KRT20: variants seen among roughly 807,000 people sequenced by gnomAD.
KRT20 encodes the protein keratin 20, also known as keratin, type I cytoskeletal 20.
A neutral mutation model predicts 43.0 loss-of-function variants in KRT20; 41 were observed. The ratio of observed to expected loss-of-function variants is 0.95; its 90% CI spans 0.74 to 1.24. The LOEUF is 1.24. Among genes scored for constraint, KRT20 ranks in the 50% most tolerant of loss-of-function variants. The pLI, the probability that KRT20 is intolerant of heterozygous loss-of-function variation, is 0.00. For synonymous variants in KRT20, 207 were observed against 200.6 expected, an observed-to-expected ratio of 1.03 and a Z score of -0.27; for missense variants, 533 against 521.2, an observed-to-expected ratio of 1.02 and a Z score of -0.22.
chr17:40,879,571 T>G (rs1158924917), intron 5 of KRT20, among the ~76,000 whole-genome samples: 1 of 152,154 alleles, frequency 6.6e-6, no homozygotes, highest in Non-Finnish European at 1.5e-5. Flanking sequence ...AGATCTGGTT[T>G]AAATGCCACT....
rs1336877200 is a variant in KRT20, at chr17:40,878,196, AG to A, written c.1087del (p.Glu364AsnfsTer16). On this transcript the variant is annotated frameshift_variant, in exon 6 of 8. Transcript: ENST00000167588. LOFTEE classifies it high-confidence loss of function. ...GCGGTAAGTAGCAATTTCCTGTTCA[AG>A]TCGAGTCTTTATGTCAAGAAGGATA... is the stretch of plus-strand genomic sequence containing the variant. ...YHILLDIKTR[L>X]EQEIATYRRL... 6.2e-7 allele frequency: 1 copy of A among 1,614,066 alleles called. No individual in the cohort carries two copies. The highest frequency in any genetic ancestry group is 8.5e-7 in the Non-Finnish European group (1 of 1,180,016).
rs1206250444 is a variant in KRT20, at chr17:40,876,416, A to C, written c.1220T>G (p.Val407Gly). ...TRKIKTVVQE[V>G]VDGKVVSSEV... ...AGATGACACGACCTTGCCATCCACT[A>C]CTTCTTGCACGACTGTCTTAATCTT... The change falls in exon 8 of 8, where the codon GTA becomes GGA. Residue 407 changes from valine to glycine, a missense_variant. Val to Gly is a moderately radical substitution (Grantham distance 109). Coordinates refer to ENST00000167588, the MANE Select transcript of KRT20 (RefSeq NM_019010.3). 8 of 1,613,240 alleles carry C rather than the reference A, an allele frequency of 5.0e-6. No homozygotes were observed.
intron 2 of KRT20, among the ~76,000 whole-genome samples, chr17:40,882,304 A>G (rs999641723): frequency 1.3e-5 from 2 of 151,774 alleles, no homozygotes; most frequent in Admixed American, 1.3e-4. Context: ...CCAGGTTACT[A>G]AAAAAAAATT....
At chr17:40,879,689 T>A (rs1018790964) in intron 5 of KRT20, 124 bp downstream of exon 5, 4 of 1,085,268 alleles carry the variant, frequency 3.7e-6, no homozygotes, top group Admixed American at 2.2e-5. Flanking sequence ...GTTCGGCCTG[T>A]TTCCCTGCCA....
rs374540877 is a variant in KRT20, at chr17:40,879,201, C to T, written c.918+612G>A. 9.2e-5 allele frequency among the ~76,000 whole-genome samples: 14 copies of T among 152,136 alleles called. No homozygotes were observed. The East Asian group carries it at 1.3e-3, about 15-fold the overall frequency. On this transcript the variant is annotated intron_variant, in intron 5 of 7. Transcript: ENST00000167588. ...CCTTGCCCTTGGAAAGGAAATGTCACGGTGGATGTAGTATCATGGCTGCAG... is the reference window on the plus strand; with the variant it reads ...CCTTGCCCTTGGAAAGGAAATGTCATGGTGGATGTAGTATCATGGCTGCAG...
In KRT20 at chr17:40,880,195, G is replaced by C. The variant is rs931414899; in HGVS notation, c.697C>G (p.Leu233Val). 8 of 1,614,086 alleles carry C rather than the reference G, an allele frequency of 5.0e-6. No homozygotes were observed. Among genetic ancestry groups the C allele is most frequent in the Non-Finnish European group, 6.8e-6 (8 of 1,180,000 alleles). ...TCATTCATGATGACGCCAAGGTTCA[G>C]GCCTGGAGCAGCATCAACCTCCACA... ...VNVEVDAAPGLNLGVIMNEMR... is the reference protein window; with the variant it reads ...VNVEVDAAPGVNLGVIMNEMR... Residue 233 changes from leucine (L) to valine (V), a missense_variant, in exon 4 of 8, where the codon CTG becomes GTG. Coordinates refer to ENST00000167588, the MANE Select transcript of KRT20 (RefSeq NM_019010.3).
In KRT20 at chr17:40,885,065, C is replaced by A. The variant is rs753435426; in HGVS notation, c.121G>T (p.Gly41Cys). Residue 41 changes from glycine to cysteine, a missense_variant, in exon 1 of 8, where the codon GGC (glycine) becomes TGC (cysteine). Physicochemically the swap from Gly to Cys is radical, Grantham distance 159. Coordinates refer to ENST00000167588, the MANE Select transcript of KRT20 (RefSeq NM_019010.3). ...TTPSVYGGAG[G>C]RGIRISNSRH... ...GAGTTGGAGATGCGGATGCCCCGGC[C>A]TCCAGCACCCCCATAAACGCTGGGT... is the stretch of plus-strand genomic sequence containing the variant. 2 of 1,614,178 alleles carry A rather than the reference C, an allele frequency of 1.2e-6. No individual in the cohort carries two copies. The highest frequency in any genetic ancestry group is 1.7e-6 in the Non-Finnish European group (2 of 1,180,036).
rs1334856434 is a variant in KRT20 at position 40,876,372 on chromosome 17, C to A, written c.1264G>T (p.Glu422Ter). The A allele has an allele frequency of 6.2e-7, 1 of 1,607,384 alleles. No individual in the cohort carries two copies. Among genetic ancestry groups the A allele is most frequent in the Admixed American group, 1.7e-5 (1 of 59,968 alleles). ...CTTCTGGTAGCTATTTAGATATTTT[C>A]TTCCACCTCTTTGACTTCAGATGAC... is the stretch of plus-strand genomic sequence containing the variant. ...VVSSEVKEVEENI is the reference protein window; with the variant it reads ...VVSSEVKEVE The change falls in exon 8 of 8, where the codon GAA (glutamate) becomes TAA (stop). Residue 422 changes from glutamate (E) to a stop codon, truncating the protein, a stop_gained. Coordinates refer to ENST00000167588, the MANE Select transcript of KRT20 (RefSeq NM_019010.3). LOFTEE classifies it high-confidence loss of function.
At chr17:40,882,689 T>TTTATTTATTTA (rs1555553992) in intron 1 of KRT20, 35 bp from the exon 2 acceptor site, 4 of 530,890 alleles carry the variant, frequency 7.5e-6, no homozygotes, top group African/African-American at 4.6e-5. Context: ...ACATTTTCTT[T>TTTATTTATTTA]TTTATTTATT....
chr17:40,884,752 T>C (rs1907730381), intron 1 of KRT20, 44 bp downstream of exon 1: 2 of 1,570,046 alleles, frequency 1.3e-6, no homozygotes, highest in Non-Finnish European at 1.7e-6. Flanking sequence ...TTGATTTATC[T>C]TGAAGCTAAA....
At chr17:40,878,058 A>T (rs1907422260) in intron 6 of KRT20, 87 bp downstream of exon 6, 1 of 1,137,622 alleles carries the variant, frequency 8.8e-7, no homozygotes, top group African/African-American at 1.5e-5. Context: ...TAGGGATTGC[A>T]TTGGTGCTGG....
intron 1 of KRT20, among the ~76,000 whole-genome samples, chr17:40,883,957 G>A (rs996335253): frequency 5.9e-5 from 9 of 152,178 alleles, no homozygotes; most frequent in African/African-American, 1.7e-4. Context: ...AAGTAAATGC[G>A]CTTTGCTCTA....
chr17:40,878,407 T>G, intron 5 of KRT20, 42 bp from the exon 6 acceptor site: 2 of 1,422,492 alleles, frequency 1.4e-6, no homozygotes, highest in South Asian at 2.3e-5. Flanking sequence ...ATGTGAGGAC[T>G]TGATTCAAGA....
chr17:40,879,248 C>T (rs2143301322), intron 5 of KRT20, among the ~76,000 whole-genome samples: 1 of 152,318 alleles, frequency 6.6e-6, no homozygotes, highest in African/African-American at 2.4e-5. Flanking sequence ...TTGAGGGATT[C>T]TGCTTACCAC....
chr17:40,877,841 C>A (rs1907411740), intron 6 of KRT20, among the ~76,000 whole-genome samples: 1 of 151,958 alleles, frequency 6.6e-6, no homozygotes, highest in African/African-American at 2.4e-5. Flanking sequence ...GGTTATTATG[C>A]CTTCAATTAT....
At chr17:40,877,637 T>C (rs1031500084) in intron 6 of KRT20, among the ~76,000 whole-genome samples, 1 of 152,188 alleles carries the variant, frequency 6.6e-6, no homozygotes, top group Non-Finnish European at 1.5e-5. Context: ...CAGTTTAATA[T>C]ATGCTAAGAA....
At chr17:40,876,550 T>G in intron 7 of KRT20, 92 bp from the exon 8 acceptor site, 1 of 728,066 alleles carries the variant, frequency 1.4e-6, no homozygotes. Context: ...TTTTTACTTA[T>G]TTCCTTCTTT....
Position 40,878,235 on chromosome 17 carries a change from T to A in KRT20, c.1049A>T (p.Asn350Ile), listed in dbSNP as rs137873399. The change falls in exon 6 of 8, where the codon AAC (asparagine) becomes ATC (isoleucine). Residue 350 changes from asparagine to isoleucine, a missense_variant. Coordinates refer to ENST00000167588, the MANE Select transcript of KRT20 (RefSeq NM_019010.3). ...MQIRSNMERQ[N>I]NEYHILLDIK... ...GTCAAGAAGGATATGGTATTCGTTGTTCTGGCGTTCCATGTTACTCCGAAT... is the reference window on the plus strand; with the variant it reads ...GTCAAGAAGGATATGGTATTCGTTGATCTGGCGTTCCATGTTACTCCGAAT... 3 of 1,614,162 alleles carry A rather than the reference T, an allele frequency of 1.9e-6. No individual in the cohort carries two copies. The highest frequency in any genetic ancestry group is 2.5e-6 in the Non-Finnish European group (3 of 1,180,024).
chr17:40,877,469 T>C (rs1474071311), intron 6 of KRT20, 52 bp from the exon 7 acceptor site: 1 of 1,213,962 alleles, frequency 8.2e-7, no homozygotes, highest in African/African-American at 1.6e-5. Context: ...AAAAGCATTA[T>C]TGCTGTTTTG....
Sources: gnomAD v4.1 joint callset for allele counts (sites outside exome capture counted in the v4.1 genomes callset) on GRCh38, gnomAD v4.1.1 for gene constraint, MANE v1.5 for transcripts, NCBI Gene and HGNC (gene_info 2026-07-23, HGNC 2026-07-21) for gene names.